The following FRMPD4 variants were observed in gnomAD, a reference collection of about 807,000 sequenced individuals.
FRMPD4 encodes the protein FERM and PDZ domain-containing protein 4.
Under a neutral mutation model 94.1 loss-of-function variants are expected in FRMPD4, and 22 were observed. The ratio of observed to expected loss-of-function variants is 0.23; its 90% CI spans 0.17 to 0.33. The LOEUF is 0.33. Ranked by LOEUF, FRMPD4 falls within the 10% of genes least tolerant of loss-of-function variation. The probability of loss-of-function intolerance (pLI) is 1.00; values close to 1 mark genes in which losing one functional copy is unlikely to be tolerated. For missense variants in FRMPD4, 1,111 were observed against 1,339.9 expected, an observed-to-expected ratio of 0.83 and a Z score of 2.67; for synonymous variants, 631 against 548.6, an observed-to-expected ratio of 1.15 and a Z score of -2.10.
intron 1 of FRMPD4, among the ~76,000 whole-genome samples, chrX:12,387,946 A>C: frequency 9.4e-6 from 1 of 106,503 alleles, no homozygotes; most frequent in South Asian, 4.4e-4. Context: ...TTCCTTTGCT[A>C]GCCTTACCTC....
At chrX:12,018,421 T>C (rs993367975) in intron 3 of FRMPD4, among the ~76,000 whole-genome samples, 2 of 110,546 alleles carry the variant, frequency 1.8e-5, no homozygotes, top group African/African-American at 6.6e-5. Flanking sequence ...GTTTTTTTGT[T>C]TTTTTTGTTT....
intron 2 of FRMPD4, among the ~76,000 whole-genome samples, chrX:12,502,126 TC>T (rs2057928533): frequency 8.9e-6 from 1 of 111,880 alleles, no homozygotes. Context: ...TTTCAGGAGC[TC>T]CCCAGGTAAT....
At chrX:12,086,952 G>A (rs1204510098) in intron 3 of FRMPD4, among the ~76,000 whole-genome samples, 1 of 111,396 alleles carries the variant, frequency 9.0e-6, no homozygotes, top group Non-Finnish European at 1.9e-5. Flanking sequence ...CTGTCAGCTT[G>A]AGCTACTCAC....
At chrX:12,410,323 A>T (rs762115356) in intron 1 of FRMPD4, among the ~76,000 whole-genome samples, 8 of 111,809 alleles carry the variant, frequency 7.2e-5, no homozygotes, top group South Asian at 3.7e-4. Flanking sequence ...TTCAATTTGC[A>T]TAAATCTTTT....
chrX:12,628,127 G>A (rs2059363564), intron 4 of FRMPD4, among the ~76,000 whole-genome samples: 1 of 111,328 alleles, frequency 9.0e-6, no homozygotes, highest in Admixed American at 9.5e-5. Context: ...GGTGGGTGTG[G>A]TGGGCAAGAA....
Position 12,721,482 on chromosome X carries a change from C to T in FRMPD4, c.4913C>T (p.Thr1638Ile). ...EESRPEAYDL[T>I]LSQYKQLLSI... The stretch of plus-strand genomic sequence containing the variant: ...TCACGCCCTGAAGCGTACGACCTTA[C>T]ACTTTCTCAGTACAAGCAACTGTTA... Residue 1638 changes from threonine (T) to isoleucine (I), a missense_variant, in exon 17 of 17, where the codon ACA becomes ATA. Transcript: ENST00000675598. 1 of 755,915 alleles carries T rather than the reference C, an allele frequency of 1.3e-6. No individual in the cohort carries two copies. Among genetic ancestry groups the T allele is most frequent in the Non-Finnish European group, 1.6e-6 (1 of 639,218 alleles). 62.3% of individuals were successfully genotyped at this position (755,915 alleles called of 1,213,427 possible).
chrX:12,268,341 A>G (rs1004099983), intron 1 of FRMPD4, among the ~76,000 whole-genome samples: 1 of 112,314 alleles, frequency 8.9e-6, no homozygotes, highest in Admixed American at 9.4e-5. Flanking sequence ...TCTGCTCCAT[A>G]ATCATAGGCA....
At chrX:12,236,838 A>C (rs1407768134) in intron 1 of FRMPD4, among the ~76,000 whole-genome samples, 1 of 112,158 alleles carries the variant, frequency 8.9e-6, no homozygotes, top group South Asian at 3.7e-4. Flanking sequence ...ATTGCTGTAC[A>C]TCAGCTGTTT....
chrX:12,540,329 C>T (rs141266548), intron 2 of FRMPD4, among the ~76,000 whole-genome samples: 5,264 of 111,155 alleles, frequency 0.047, 340 homozygotes, highest in African/African-American at 0.16. Context: ...ATCAGTGTGC[C>T]GTATTCAGGA....
At chrX:11,885,093 C>T (rs1052301464) in intron 3 of FRMPD4, among the ~76,000 whole-genome samples, 1 of 112,032 alleles carries the variant, frequency 8.9e-6, no homozygotes, top group African/African-American at 3.2e-5. Context: ...TTTACAGCAA[C>T]ATCATTTATA....
intron 3 of FRMPD4, among the ~76,000 whole-genome samples, chrX:11,980,289 G>A (rs1281327431): frequency 9.0e-6 from 1 of 111,384 alleles, no homozygotes; most frequent in African/African-American, 3.3e-5. Flanking sequence ...TCTGCAGCAC[G>A]TTTAAGGCCT....
chrX:12,088,281 T>C (rs2055126761), intron 3 of FRMPD4, among the ~76,000 whole-genome samples: 1 of 111,905 alleles, frequency 8.9e-6, no homozygotes, highest in African/African-American at 3.2e-5. Flanking sequence ...TCTCCCCATG[T>C]CTTCACACCG....
chrX:12,501,701 C>T (rs748844718), intron 2 of FRMPD4, among the ~76,000 whole-genome samples: 13 of 111,246 alleles, frequency 1.2e-4, no homozygotes, highest in Non-Finnish European at 2.3e-4. Flanking sequence ...AAATAACCCC[C>T]ATCAGACAAT....
chrX:12,334,408 G>A (rs759259404), intron 1 of FRMPD4, among the ~76,000 whole-genome samples: 1 of 111,226 alleles, frequency 9.0e-6, no homozygotes, highest in African/African-American at 3.3e-5. Context: ...CAATGGTGGT[G>A]CAGTGTTCCC....
chrX:12,529,974 G>C (rs1313492618), intron 2 of FRMPD4, among the ~76,000 whole-genome samples: 3 of 110,809 alleles, frequency 2.7e-5, no homozygotes, highest in Non-Finnish European at 5.7e-5. Context: ...AATCCTATGA[G>C]AGTTGAGCCC....
intron 1 of FRMPD4, among the ~76,000 whole-genome samples, chrX:12,417,159 G>C (rs746593839): frequency 2.7e-5 from 3 of 111,375 alleles, no homozygotes; most frequent in Non-Finnish European, 5.7e-5. Flanking sequence ...CAGCCTATAA[G>C]CTACTTTTTG....
intron 4 of FRMPD4, among the ~76,000 whole-genome samples, chrX:12,666,905 T>A (rs183715818): frequency 2.1e-3 from 240 of 112,099 alleles, no homozygotes; most frequent in African/African-American, 7.1e-3. Flanking sequence ...ATTCAAAAGC[T>A]AGCAGAAGAC....
chrX:12,019,442 T>C (rs1408759389), intron 3 of FRMPD4, among the ~76,000 whole-genome samples: 3 of 110,206 alleles, frequency 2.7e-5, no homozygotes, highest in Non-Finnish European at 5.7e-5. Context: ...CTGTTTACAC[T>C]CTGTTGCTAG....
Position 12,551,959 on chromosome X carries a change from T to C in FRMPD4, c.158+53163T>C, listed in dbSNP as rs1459645656. On this transcript the variant is annotated intron_variant, in intron 2 of 16. Transcript: ENST00000675598. ...AACTCTTTGTTACATTGACTACAGT[T>C]TGTATGAAAGGTAGAATAAATGGTT... 4.5e-5 allele frequency among the ~76,000 whole-genome samples: 5 copies of C among 111,968 alleles called. No individual in the cohort carries two copies. In the South Asian group the frequency reaches 1.5e-3, roughly 34 times the overall value.
Sources: allele counts gnomAD v4.1 joint callset (sites outside exome capture counted in the v4.1 genomes callset), GRCh38; gene constraint gnomAD v4.1.1; transcripts MANE v1.5; gene names NCBI Gene and HGNC (gene_info 2026-07-23, HGNC 2026-07-21).